NRXN1: variants seen among roughly 807,000 people sequenced by gnomAD.
NRXN1 encodes neurexin-1.
Under a neutral mutation model 150.9 loss-of-function variants are expected in NRXN1, and 39 were observed. That is an observed-to-expected ratio of 0.26 (90% CI 0.20 to 0.34). The LOEUF (loss-of-function observed/expected upper bound fraction) is 0.34. Ranked by LOEUF, NRXN1 falls within the 10% of genes least tolerant of loss-of-function variation. NRXN1 has a pLI of 1.00. For synonymous variants in NRXN1, 924 were observed against 757.0 expected, an observed-to-expected ratio of 1.22 and a Z score of -3.62; for missense variants, 1,815 against 1,949.9, an observed-to-expected ratio of 0.93 and a Z score of 1.30.
intron 18 of NRXN1, chr2:50,185,764 A>G (rs2061027749): frequency 6.6e-6 from 1 of 152,046 alleles, no homozygotes; most frequent in Non-Finnish European, 1.5e-5. Context: ...AAACATTTAT[A>G]ATAACTCACT....
At chr2:49,947,757 A>G (rs72885887) in intron 21 of NRXN1, among the ~76,000 whole-genome samples, 23,280 of 151,806 alleles carry the variant, frequency 0.15, 2,028 homozygotes, top group South Asian at 0.29. Flanking sequence ...CCTGCTCAAA[A>G]CATTTAAAAA....
At chr2:50,990,664 C>G (rs1032583198) in intron 2 of NRXN1, among the ~76,000 whole-genome samples, 1 of 151,938 alleles carries the variant, frequency 6.6e-6, no homozygotes, top group Non-Finnish European at 1.5e-5. Context: ...TGGGTTTGGG[C>G]CTACATTCAT....
At chr2:50,989,493 T>C (rs994697284) in intron 2 of NRXN1, among the ~76,000 whole-genome samples, 4 of 151,998 alleles carry the variant, frequency 2.6e-5, no homozygotes, top group Admixed American at 6.6e-5. Context: ...CAATCAGCAA[T>C]TGTTTTCTGT....
chr2:50,366,357 A>C (rs1234871499), intron 17 of NRXN1, among the ~76,000 whole-genome samples: 1 of 152,000 alleles, frequency 6.6e-6, no homozygotes, highest in African/African-American at 2.4e-5. Context: ...CTTAAAAATC[A>C]GTGACTGTTC....
intron 5 of NRXN1, among the ~76,000 whole-genome samples, chr2:50,692,470 AT>A (rs142362785): frequency 0.013 from 1,937 of 151,370 alleles, 23 homozygotes; most frequent in Non-Finnish European, 0.019. Context: ...CTCTGTGGAG[AT>A]TTTTTTTTCA....
chr2:50,601,386 G>A (rs947274287), intron 8 of NRXN1, among the ~76,000 whole-genome samples: 1 of 152,132 alleles, frequency 6.6e-6, no homozygotes, highest in Non-Finnish European at 1.5e-5. Context: ...ATAATACGTG[G>A]TTTGACATGC....
At chr2:50,885,870 T>C (rs1680162544) in intron 5 of NRXN1, among the ~76,000 whole-genome samples, 1 of 148,556 alleles carries the variant, frequency 6.7e-6, no homozygotes, top group African/African-American at 2.4e-5. Flanking sequence ...CCATTTAATG[T>C]AGTCCAAAGA....
chr2:50,663,999 A>G (rs1021532446), intron 5 of NRXN1, among the ~76,000 whole-genome samples: 1 of 151,988 alleles, frequency 6.6e-6, no homozygotes, highest in African/African-American at 2.4e-5. Context: ...AAATATTTCA[A>G]ATACAATCTT....
rs962341913 is a variant in NRXN1, at chr2:49,920,575, C to A, written c.*1369G>T. On this transcript the variant is annotated 3_prime_UTR_variant, in exon 23 of 23. Coordinates refer to ENST00000401669, the MANE Select transcript of NRXN1 (RefSeq NM_001330078.2). ...GCAAGATCTCAATGAAGCAAATCAC[C>A]CCATTTGTCATCAATACCTTGGCAC... The A allele has an allele frequency of 1.3e-5, 2 of 152,384 alleles. No homozygotes were observed. Among genetic ancestry groups the A allele is most frequent in the African/African-American group, 4.8e-5 (2 of 41,336 alleles). 9.4% of individuals were successfully genotyped at this position (152,384 alleles called of 1,614,324 possible). A position where few individuals can be genotyped will look rare whatever the true frequency, so the allele number is the denominator to read the frequency against.
At chr2:50,314,965 G>A (rs2075474598) in intron 17 of NRXN1, among the ~76,000 whole-genome samples, 1 of 151,098 alleles carries the variant, frequency 6.6e-6, no homozygotes, top group African/African-American at 2.4e-5. Flanking sequence ...TTTTTTTTCT[G>A]GTTATAAAAT....
intron 5 of NRXN1, among the ~76,000 whole-genome samples, chr2:50,795,680 G>A (rs191016845): frequency 1.8e-4 from 27 of 151,916 alleles, no homozygotes; most frequent in African/African-American, 6.0e-4. Flanking sequence ...TACCCCAGTT[G>A]ATACACAATT....
Position 50,206,530 on chromosome 2 carries a change from C to T in NRXN1, c.3546+30259G>A, listed in dbSNP as rs901436692. Among the ~76,000 whole-genome samples, 4 of 151,938 alleles carry T rather than the reference C, an allele frequency of 2.6e-5. No individual in the cohort carries two copies. In the South Asian group the frequency reaches 6.2e-4, roughly 24 times the overall value. On this transcript the variant is annotated intron_variant, in intron 18 of 22. Transcript: ENST00000401669. ...CCTAATTCCATTCCCCACTTGATGG[C>T]CATACCCTCTGTCTAAACCTGAGCA... is the stretch of plus-strand genomic sequence containing the variant.
intron 17 of NRXN1, among the ~76,000 whole-genome samples, chr2:50,284,976 C>A (rs1455389361): frequency 6.6e-6 from 1 of 152,068 alleles, no homozygotes; most frequent in Non-Finnish European, 1.5e-5. Flanking sequence ...ACTCAAAACA[C>A]TTCTAATATT....
chr2:50,871,285 A>C (rs1312945904), intron 5 of NRXN1, among the ~76,000 whole-genome samples: 1 of 151,842 alleles, frequency 6.6e-6, no homozygotes. Flanking sequence ...AAAATGTCCT[A>C]TTCCTGTATG....
rs112728577 is a variant in NRXN1, at chr2:50,835,864, G to T, written c.832+86005C>A. Among the ~76,000 whole-genome samples the T allele has an allele frequency of 1.8e-3, 274 of 152,174 alleles. 3 individuals are homozygous for T. Among genetic ancestry groups the T allele is most frequent in the African/African-American group, 6.4e-3 (267 of 41,522 alleles). ...TTCCTTACAAACTAGGTTGTCTTGG[G>T]CAAGTAATTTAACTTTGCTGAGCCT... On this transcript the variant is annotated intron_variant, in intron 5 of 22. Coordinates refer to ENST00000401669, the MANE Select transcript of NRXN1 (RefSeq NM_001330078.2).
chr2:50,487,795 G>A (rs1355540211), intron 15 of NRXN1, among the ~76,000 whole-genome samples: 4 of 152,184 alleles, frequency 2.6e-5, no homozygotes, highest in Admixed American at 1.3e-4. Flanking sequence ...TTGCCCAGAT[G>A]TCAGCCTGGG....
At chr2:50,923,548 A>G in intron 3 of NRXN1, 1 of 213,364 alleles carries the variant, frequency 4.7e-6, no homozygotes, top group Non-Finnish European at 1.0e-5. Context: ...TCTTCTAAAT[A>G]ATACTACTAA....
At chr2:50,178,137 G>C (rs1209141856) in intron 18 of NRXN1, among the ~76,000 whole-genome samples, 1 of 152,028 alleles carries the variant, frequency 6.6e-6, no homozygotes, top group African/African-American at 2.4e-5. Context: ...CTGAGTTTCA[G>C]AATCTAAGAA....
intron 19 of NRXN1, among the ~76,000 whole-genome samples, chr2:50,057,308 A>G (rs1222566423): frequency 6.6e-6 from 1 of 152,046 alleles, no homozygotes; most frequent in Non-Finnish European, 1.5e-5. Flanking sequence ...GGGACTTTGC[A>G]CATGTAGCTT....
Sources: allele counts gnomAD v4.1 joint callset (sites outside exome capture counted in the v4.1 genomes callset), GRCh38; gene constraint gnomAD v4.1.1; transcripts MANE v1.5; gene names NCBI Gene and HGNC (gene_info 2026-07-23, HGNC 2026-07-21).